NELL2: variants seen among roughly 807,000 people sequenced by gnomAD.
NELL2 encodes the protein protein kinase C-binding protein NELL2.
In NELL2, 41 loss-of-function variants were observed where a neutral mutation model predicts 109.6. That is an observed-to-expected ratio of 0.37 (90% confidence interval 0.29 to 0.49). The LOEUF (loss-of-function observed/expected upper bound fraction) is 0.49, where lower values mean the gene tolerates loss of function less well. NELL2 is among the 20% of genes least tolerant of loss of function. The pLI is 0.98. For synonymous variants in NELL2, 355 were observed against 344.7 expected, an observed-to-expected ratio of 1.03 and a Z score of -0.33; for missense variants, 900 against 1,008.3, an observed-to-expected ratio of 0.89 and a Z score of 1.45.
At chr12:44,766,295 G>C (rs1941416806) in intron 9 of NELL2, among the ~76,000 whole-genome samples, 1 of 152,120 alleles carries the variant, frequency 6.6e-6, no homozygotes, top group Admixed American at 6.5e-5. Flanking sequence ...GTAGCCATTG[G>C]AGAGGCCAGT....
intron 13 of NELL2, among the ~76,000 whole-genome samples, chr12:44,624,181 G>A (rs11182578): frequency 0.17 from 26,089 of 151,940 alleles, 3,463 homozygotes; most frequent in African/African-American, 0.37. Context: ...GATTGATTCT[G>A]ATGCCAACTT....
At chr12:44,873,004 C>T (rs563917629) in intron 2 of NELL2, among the ~76,000 whole-genome samples, 13 of 152,252 alleles carry the variant, frequency 8.5e-5, no homozygotes, top group South Asian at 6.2e-4. Context: ...CAAGGTAATG[C>T]GAAATTCCAT....
At chr12:44,581,325 A>G (rs983245270) in intron 15 of NELL2, among the ~76,000 whole-genome samples, 4 of 152,174 alleles carry the variant, frequency 2.6e-5, no homozygotes. Context: ...ATCTTTTACA[A>G]TCTACACTGC....
chr12:44,735,837 CTT>C (rs1410758404), intron 9 of NELL2, among the ~76,000 whole-genome samples: 1 of 151,910 alleles, frequency 6.6e-6, no homozygotes, highest in Non-Finnish European at 1.5e-5. Context: ...GTTCAAATAA[CTT>C]AGCTTTTATG....
chr12:44,594,631 C>T (rs543889466), intron 15 of NELL2, among the ~76,000 whole-genome samples: 6 of 152,086 alleles, frequency 3.9e-5, no homozygotes, highest in Non-Finnish European at 7.4e-5. Context: ...TGCTTATAGA[C>T]AAATTTCTCC....
intron 12 of NELL2, among the ~76,000 whole-genome samples, chr12:44,689,325 A>C (rs1948829473): frequency 6.6e-6 from 1 of 152,248 alleles, no homozygotes; most frequent in Non-Finnish European, 1.5e-5. Flanking sequence ...TATAATACAA[A>C]GCATCTTCAG....
chr12:44,772,829 T>G (rs534514444), intron 9 of NELL2, among the ~76,000 whole-genome samples: 1 of 152,192 alleles, frequency 6.6e-6, no homozygotes, highest in Admixed American at 6.5e-5. Flanking sequence ...GATCACTCAC[T>G]TCCAGCTTTA....
intron 2 of NELL2, among the ~76,000 whole-genome samples, chr12:44,871,841 C>T (rs11182726): frequency 0.04 from 6,071 of 152,084 alleles, 208 homozygotes; most frequent in East Asian, 0.18. Flanking sequence ...TTCAACTTAA[C>T]AACTTGTAAA....
intron 13 of NELL2, among the ~76,000 whole-genome samples, chr12:44,634,782 C>A (rs1000221496): frequency 1.3e-5 from 2 of 152,166 alleles, no homozygotes; most frequent in Non-Finnish European, 2.9e-5. Context: ...AATTTACACT[C>A]CCACGAACAG....
intron 2 of NELL2, among the ~76,000 whole-genome samples, chr12:44,822,362 T>C (rs1307384749): frequency 6.6e-6 from 1 of 152,248 alleles, no homozygotes; most frequent in East Asian, 1.9e-4. Flanking sequence ...ACTTTCATTC[T>C]AAGTATCCCA....
intron 2 of NELL2, among the ~76,000 whole-genome samples, chr12:44,871,769 C>T (rs188805179): frequency 3.3e-5 from 5 of 152,282 alleles, no homozygotes; most frequent in Middle Eastern, 3.4e-3. Flanking sequence ...TAAGAGGAGA[C>T]GTACGACCTT....
Position 44,520,226 on chromosome 12 carries a change from C to T in NELL2, c.2179G>A (p.Gly727Arg). Reference sequence around the variant, plus strand: ...GGCAGGGGCCAACAATCAACTTCCCCTTGCTACAAGGAAAGCAGATGTGCA... The same window carrying T: ...GGCAGGGGCCAACAATCAACTTCCCTTTGCTACAAGGAAAGCAGATGTGCA... ...QNCQQCRCLQ[G>R]EVDCWPLPCP... The change falls in exon 19 of 20, where the codon GGG (glycine) becomes AGG (arginine). Residue 727 changes from glycine to arginine, a missense_variant. Physicochemically the swap from Gly to Arg is moderately radical, Grantham distance 125. Coordinates refer to ENST00000429094, the MANE Select transcript of NELL2 (RefSeq NM_001145108.2). 1 of 1,608,806 alleles carries T rather than the reference C, an allele frequency of 6.2e-7. No individual in the cohort carries two copies. Among genetic ancestry groups the T allele is most frequent in the Admixed American group, 1.7e-5 (1 of 58,888 alleles).
At chr12:44,744,517 T>C (rs1188812096) in intron 9 of NELL2, among the ~76,000 whole-genome samples, 1 of 152,022 alleles carries the variant, frequency 6.6e-6, no homozygotes. Context: ...CAGGAGCTGG[T>C]TTTTTGAAAA....
chr12:44,826,296 CAT>C (rs938930653), intron 2 of NELL2, among the ~76,000 whole-genome samples: 133 of 152,162 alleles, frequency 8.7e-4, no homozygotes, highest in African/African-American at 3.1e-3. Context: ...TAATTTCAGA[CAT>C]AGAATGGTTG....
At position 44,521,529 on chromosome 12, in the gene NELL2, C is replaced by CAAAAA. The variant is rs56713964; in HGVS notation, c.2175+466_2175+470dup. Among the ~76,000 whole-genome samples the CAAAAA allele has an allele frequency of 2.6e-3, 289 of 111,416 alleles. 8 individuals carry two copies. Among genetic ancestry groups the CAAAAA allele is most frequent in the African/African-American group, 0.011 (272 of 24,302 alleles). The allele number at this position is 111,416 out of a possible 152,430, so 73.1% of individuals were successfully genotyped here. A position where few individuals can be genotyped will look rare whatever the true frequency, so the allele number is the denominator to read the frequency against. On this transcript the variant is annotated intron_variant, in intron 18 of 19. Transcript: ENST00000429094. ...TGGGCGACAGAGCGAGACTCCGTCTCAAAAAAAAAAAAAGAAGGTTGCGGT... is the reference window on the plus strand; with the variant it reads ...TGGGCGACAGAGCGAGACTCCGTCTCAAAAAAAAAAAAAAAAAAGAAGGTTGCGGT...
chr12:44,663,083 G>A (rs1947805353), intron 13 of NELL2, among the ~76,000 whole-genome samples: 1 of 152,168 alleles, frequency 6.6e-6, no homozygotes, highest in African/African-American at 2.4e-5. Context: ...GAACAGGATA[G>A]AAGACTTTGG....
upstream of NELL2, chr12:44,876,690 G>T (rs1300401545): frequency 6.5e-7 from 1 of 1,550,382 alleles, no homozygotes; most frequent in Non-Finnish European, 8.7e-7. Flanking sequence ...AGCGAGTAGC[G>T]CTCGCCTGCC....
chr12:44,674,890 T>G (rs632893), intron 12 of NELL2, among the ~76,000 whole-genome samples: 1 of 152,012 alleles, frequency 6.6e-6, no homozygotes, highest in South Asian at 2.1e-4. Flanking sequence ...AAGTTTTTTT[T>G]AATATATCTG....
intron 15 of NELL2, among the ~76,000 whole-genome samples, chr12:44,595,593 A>ATTTTTTTTTTTT (rs57566164): frequency 8.2e-6 from 1 of 121,314 alleles, no homozygotes; most frequent in African/African-American, 3.1e-5. Flanking sequence ...CACCCAGCTA[A>ATTTTTTTTTTTT]TTTTTTTTTT....
Sources: gnomAD v4.1 joint callset for allele counts (sites outside exome capture counted in the v4.1 genomes callset) on GRCh38, gnomAD v4.1.1 for gene constraint, MANE v1.5 for transcripts, NCBI Gene and HGNC (gene_info 2026-07-23, HGNC 2026-07-21) for gene names.